MNDA: variants seen among roughly 807,000 people sequenced by gnomAD.
The protein encoded by MNDA is epididymis secretory sperm binding protein.
A neutral mutation model predicts 37.8 loss-of-function variants in MNDA; 43 were observed. That is an observed-to-expected ratio of 1.14 (90% CI 0.89 to 1.47). The LOEUF (loss-of-function observed/expected upper bound fraction) is 1.47. Ranked by LOEUF, MNDA falls within the 40% of genes most tolerant of loss-of-function variation. MNDA has a pLI of 0.00. For missense variants in MNDA, 536 were observed against 476.0 expected (o/e 1.13, Z -1.17); for synonymous variants, 181 against 169.0 (o/e 1.07, Z -0.55).
intron 1 of MNDA, among the ~76,000 whole-genome samples, chr1:158,835,706 A>G (rs548851662): frequency 1.3e-5 from 2 of 151,834 alleles, no homozygotes; most frequent in South Asian, 2.1e-4. Context: ...ATGTTTCAGG[A>G]GCAAGAGAAA....
Position 158,849,285 on chromosome 1 carries a change from AGTT to A in MNDA, c.*52_*54del. On this transcript the variant is annotated 3_prime_UTR_variant, in exon 7 of 7. Coordinates refer to ENST00000368141, the MANE Select transcript of MNDA (RefSeq NM_002432.3). ...AAACAACTTCCGCTTAAAACAATTA[AGTT>A]GTTAATAACTGTGATTTTGTAAATT... 3.3e-6 allele frequency: 5 copies of A among 1,521,536 alleles called. No individual in the cohort carries two copies. The highest frequency in any genetic ancestry group is 2.3e-5 in the South Asian group (2 of 87,382). The allele number at this position is 1,521,536 out of a possible 1,614,324, so 94.3% of individuals were successfully genotyped here. A position where few individuals can be genotyped will look rare whatever the true frequency, so the allele number is the denominator to read the frequency against.
chr1:158,845,741 G>T lies in MNDA; in HGVS notation c.725G>T (p.Ser242Ile). The T allele has an allele frequency of 6.2e-7, 1 of 1,614,130 alleles. No individual in the cohort carries two copies. The highest frequency in any genetic ancestry group is 8.5e-7 in the Non-Finnish European group (1 of 1,180,026). Residue 242 changes from serine to isoleucine, a missense_variant, in exon 5 of 7, where the codon AGT becomes ATT. Ser to Ile is a moderately radical substitution (Grantham distance 142, BLOSUM62 -2). Coordinates refer to ENST00000368141, the MANE Select transcript of MNDA (RefSeq NM_002432.3). ...KSTMFHATVA[S>I]KTQYFHVKVF... is the part of the protein sequence containing the mutation. ...ACAATGTTTCATGCTACAGTGGCCA[G>T]TAAGACTCAATATTTCCATGTGAAA...
chr1:158,836,585 T>C (rs181930283), intron 1 of MNDA, among the ~76,000 whole-genome samples: 165 of 152,066 alleles, frequency 1.1e-3, no homozygotes, highest in Admixed American at 2.6e-3. Context: ...TTTTAGTTTC[T>C]GATTTTATTA....
chr1:158,849,378 G>C lies in MNDA; in HGVS notation c.*141G>C. ...TAGCATATTAAGAGCTTTTATAACT[G>C]AGTTATAGATTAGTTTGCTTTCTGG... On this transcript the variant is annotated 3_prime_UTR_variant, in exon 7 of 7. Coordinates refer to ENST00000368141, the MANE Select transcript of MNDA (RefSeq NM_002432.3). 5.1e-6 allele frequency: 3 copies of C among 593,376 alleles called. No individual in the cohort carries two copies. The highest frequency in any genetic ancestry group is 8.1e-6 in the Non-Finnish European group (3 of 368,428). The allele number at this position is 593,376 out of a possible 1,614,324, so 36.8% of individuals were successfully genotyped here. A position where few individuals can be genotyped will look rare whatever the true frequency, so the allele number is the denominator to read the frequency against.
intron 1 of MNDA, among the ~76,000 whole-genome samples, chr1:158,837,771 G>C (rs1481492047): frequency 6.6e-6 from 1 of 151,444 alleles, no homozygotes; most frequent in African/African-American, 2.4e-5. Context: ...TTTTTTATTT[G>C]TTTTCTGTAT....
intron 1 of MNDA, among the ~76,000 whole-genome samples, chr1:158,838,940 T>C (rs1658974972): frequency 6.6e-6 from 1 of 152,202 alleles, no homozygotes; most frequent in African/African-American, 2.4e-5. Context: ...TGGTAATTTC[T>C]ATTTTTTGTC....
At chr1:158,832,695 A>T (rs1658827935) in intron 1 of MNDA, among the ~76,000 whole-genome samples, 1 of 151,810 alleles carries the variant, frequency 6.6e-6, no homozygotes, top group Admixed American at 6.6e-5. Context: ...ACTTAAGCCT[A>T]TTTTAAGCTA....
intron 6 of MNDA, 27 bp downstream of exon 6, chr1:158,847,943 T>A (rs906366232): frequency 6.3e-7 from 1 of 1,590,638 alleles, no homozygotes; most frequent in African/African-American, 1.4e-5. Context: ...GGAGAATGAG[T>A]TTGCTAAAGA....
At position 158,847,740 on chromosome 1, in the gene MNDA, A is replaced by G; in HGVS notation, c.1000A>G (p.Lys334Glu). The change falls in exon 6 of 7, where the codon AAG (lysine) becomes GAG (glutamate). Residue 334 changes from lysine (K) to glutamate (E), a missense_variant. Transcript: ENST00000368141. Reference protein sequence around the residue: ...LFMLQKKSVHKKNTIYEIQDN... With the variant: ...LFMLQKKSVHEKNTIYEIQDN... ...TCTTCTTTTGCAGAAAAGCGTACAC[A>G]AGAAGAACACAATTTATGAAATACA... is the stretch of plus-strand genomic sequence containing the variant. 1 of 1,612,650 alleles carries G rather than the reference A, an allele frequency of 6.2e-7. No homozygotes were observed. The highest frequency in any genetic ancestry group is 8.5e-7 in the Non-Finnish European group (1 of 1,179,186).
chr1:158,842,395 A>G lies in MNDA; in HGVS notation c.242A>G (p.Asn81Ser). 6.2e-7 allele frequency: 1 copy of G among 1,611,614 alleles called. No individual in the cohort carries two copies. Among genetic ancestry groups the G allele is most frequent in the Non-Finnish European group, 8.5e-7 (1 of 1,179,214 alleles). Residue 81 changes from asparagine to serine, a missense_variant, in exon 2 of 7, where the codon AAT becomes AGT. By Grantham distance (46) the Asn-to-Ser change is conservative. Coordinates refer to ENST00000368141, the MANE Select transcript of MNDA (RefSeq NM_002432.3). ...DMPSLKNLVN[N>S]LRKEKSKVAK... is the part of the protein sequence containing the mutation. ...CCATCACTTAAAAACCTTGTTAACA[A>G]TCTTCGAAAAGAGAAGTCAAAAGGT...
At chr1:158,842,580 C>T (rs1659051257) in intron 2 of MNDA, 162 bp downstream of exon 2, 1 of 623,578 alleles carries the variant, frequency 1.6e-6, no homozygotes, top group African/African-American at 1.8e-5. Flanking sequence ...CAATTTAGAA[C>T]ATTCTGTTTC....
chr1:158,845,905 A>G lies in MNDA; in HGVS notation c.889A>G (p.Asn297Asp). The change falls in exon 5 of 7, where the codon AAC becomes GAC. Residue 297 changes from asparagine (N) to aspartate (D), a missense_variant. Transcript: ENST00000368141. Reference protein sequence around the residue: ...SDFNQNFEVPNRIIEIANKTP... With the variant: ...SDFNQNFEVPDRIIEIANKTP... ...CTTTAATCAAAATTTTGAGGTCCCA[A>G]ACAGAATTATCGAAATAGCAAATAA... 6.2e-7 allele frequency: 1 copy of G among 1,614,186 alleles called. No homozygotes were observed. Among genetic ancestry groups the G allele is most frequent in the Non-Finnish European group, 8.5e-7 (1 of 1,180,012 alleles).
In MNDA at chr1:158,847,924, C is replaced by G; in HGVS notation, c.1176+8C>G. ...AGTCACAGCTTCATCAAGGTGGGAA[C>G]TGGATAGAGGAGAATGAGTTTGCTA... On this transcript the variant is annotated splice_region_variant and intron_variant, in intron 6 of 6. Transcript: ENST00000368141. 1 of 1,611,834 alleles carries G rather than the reference C, an allele frequency of 6.2e-7. No individual in the cohort carries two copies. The highest frequency in any genetic ancestry group is 8.5e-7 in the Non-Finnish European group (1 of 1,178,770).
intron 1 of MNDA, among the ~76,000 whole-genome samples, chr1:158,840,166 T>C (rs1659001738): frequency 6.6e-6 from 1 of 151,984 alleles, no homozygotes. Context: ...GCATTAAGAG[T>C]TCTTCAACAA....
intron 1 of MNDA, among the ~76,000 whole-genome samples, chr1:158,833,451 T>G (rs1658844634): frequency 6.6e-6 from 1 of 152,212 alleles, no homozygotes; most frequent in South Asian, 2.1e-4. Context: ...CTTGCAAAAC[T>G]AAAACTCTAA....
chr1:158,848,347 C>T (rs745505443), intron 6 of MNDA, among the ~76,000 whole-genome samples: 14 of 152,102 alleles, frequency 9.2e-5, no homozygotes, highest in Non-Finnish European at 1.9e-4. Flanking sequence ...ATCTCACAAC[C>T]TGGCACATCA....
At chr1:158,838,238 G>T (rs555219098) in intron 1 of MNDA, among the ~76,000 whole-genome samples, 6 of 151,942 alleles carry the variant, frequency 3.9e-5, no homozygotes, top group Non-Finnish European at 8.8e-5. Flanking sequence ...TCAGCTTGAA[G>T]AAATCTCTTT....
intron 6 of MNDA, among the ~76,000 whole-genome samples, chr1:158,848,512 G>A (rs1659187859): frequency 6.6e-6 from 1 of 151,804 alleles, no homozygotes; most frequent in South Asian, 2.1e-4. Flanking sequence ...GAAGACTGTG[G>A]GACCCAAAGA....
intron 2 of MNDA, among the ~76,000 whole-genome samples, 188 bp from the exon 3 acceptor site, chr1:158,843,091 A>G (rs534649507): frequency 6.6e-6 from 1 of 152,324 alleles, no homozygotes; most frequent in East Asian, 1.9e-4. Context: ...AGAATGAGAC[A>G]GTGCCTATGC....
Sources: allele counts gnomAD v4.1 joint callset (sites outside exome capture counted in the v4.1 genomes callset), GRCh38; gene constraint gnomAD v4.1.1; transcripts MANE v1.5; gene names NCBI Gene and HGNC (gene_info 2026-07-23, HGNC 2026-07-21).